The following APP variants were observed in gnomAD, a reference collection of about 807,000 sequenced individuals.
APP encodes amyloid beta precursor protein.
In APP, 31 loss-of-function variants were observed where a neutral mutation model predicts 101.4. The observed-to-expected ratio is 0.31, with a 90% CI of 0.23 to 0.41. The LOEUF is 0.41. Among genes scored for constraint, APP ranks in the 10% least tolerant of loss-of-function variants. The pLI is 1.00. For synonymous variants in APP, 366 were observed against 364.4 expected (o/e 1.00, Z -0.05); for missense variants, 839 against 1,003.7 (o/e 0.84, Z 2.22).
chr21:26,037,420 G>C (rs1371011221), intron 5 of APP, among the ~76,000 whole-genome samples: 2 of 152,124 alleles, frequency 1.3e-5, no homozygotes, highest in African/African-American at 4.8e-5. Context: ...TGAATATGCT[G>C]ATCAGTCTGA....
At chr21:26,164,884 T>C (rs1166200394) in intron 1 of APP, among the ~76,000 whole-genome samples, 2 of 150,658 alleles carry the variant, frequency 1.3e-5, no homozygotes, top group Admixed American at 6.6e-5. Flanking sequence ...TCTACATCCA[T>C]GTTATGTGGA....
chr21:26,050,314 T>C (rs1447003430), intron 5 of APP, among the ~76,000 whole-genome samples: 12 of 152,182 alleles, frequency 7.9e-5, no homozygotes, highest in Non-Finnish European at 1.5e-5. Flanking sequence ...ATAAAATCAA[T>C]GCCTGAACCA....
Position 25,881,445 on chromosome 21 carries a change from T to C in APP, c.*225A>G. 1 of 596,546 alleles carries C rather than the reference T, an allele frequency of 1.7e-6. No homozygotes were observed. The highest frequency in any genetic ancestry group is 1.9e-5 in the South Asian group (1 of 51,478). 37.0% of individuals were successfully genotyped at this position (596,546 alleles called of 1,614,324 possible). On this transcript the variant is annotated 3_prime_UTR_variant, in exon 18 of 18. Coordinates refer to ENST00000346798, the MANE Select transcript of APP (RefSeq NM_000484.4). ...TACAGTACACAAAACCCATTAATAA[T>C]GTAGTATAGAGACCAAAATGTAAAG...
At chr21:25,983,083 A>G (rs1038224847) in intron 8 of APP, among the ~76,000 whole-genome samples, 3 of 152,258 alleles carry the variant, frequency 2.0e-5, no homozygotes, top group Non-Finnish European at 4.4e-5. Context: ...AAATTTGACA[A>G]TAGTCAATGA....
rs149896581 is a variant in APP, at chr21:26,166,193, G to A, written c.57+4371C>T. Among the ~76,000 whole-genome samples, 949 of 152,278 alleles carry A rather than the reference G, an allele frequency of 6.2e-3. 9 individuals carry two copies. The highest frequency in any genetic ancestry group is 0.02 in the African/African-American group (817 of 41,556). On this transcript the variant is annotated intron_variant, in intron 1 of 17. Transcript: ENST00000346798. The stretch of plus-strand genomic sequence containing the variant: ...ACTTGCAAAATCAGCTTCAGGGTTT[G>A]AGTTCTGTCTGCTTTTCTTCTTATA...
chr21:26,065,084 C>A (rs1044116120), intron 3 of APP, among the ~76,000 whole-genome samples: 1 of 152,142 alleles, frequency 6.6e-6, no homozygotes, highest in East Asian at 1.9e-4. Flanking sequence ...GGACTTCCGA[C>A]CTCAAATGAT....
intron 13 of APP, among the ~76,000 whole-genome samples, chr21:25,946,458 G>T (rs1422053713): frequency 1.3e-5 from 2 of 152,186 alleles, no homozygotes; most frequent in Admixed American, 6.5e-5. Flanking sequence ...CTGAGCTCAG[G>T]AGTTTGAGAC....
chr21:26,125,580 G>A (rs183061647), intron 1 of APP, among the ~76,000 whole-genome samples: 14 of 152,130 alleles, frequency 9.2e-5, no homozygotes, highest in African/African-American at 2.9e-4. Flanking sequence ...CATTCGGTGC[G>A]GTGTTTAGGG....
intron 11 of APP, among the ~76,000 whole-genome samples, chr21:25,958,272 AATTATT>A (rs200295641): frequency 1.3e-5 from 2 of 151,532 alleles, no homozygotes; most frequent in African/African-American, 4.9e-5. Context: ...TATTCCCACT[AATTATT>A]ATTATTATTA....
At position 25,925,861 on chromosome 21, in the gene APP, G is replaced by A. The variant is rs57737198; in HGVS notation, c.1688-13899C>T. ...TGAGGCAGGAGAATTGCTTGAACCC[G>A]GGAGGTGGAGGCTGCAGTGAGCCGA... On this transcript the variant is annotated intron_variant, in intron 13 of 17. Transcript: ENST00000346798. 6.3e-3 allele frequency among the ~76,000 whole-genome samples: 965 copies of A among 152,324 alleles called. 11 individuals are homozygous for A. The highest frequency in any genetic ancestry group is 0.022 in the African/African-American group (909 of 41,566).
intron 16 of APP, among the ~76,000 whole-genome samples, chr21:25,892,339 T>C (rs1380042423): frequency 2.6e-5 from 4 of 152,212 alleles, no homozygotes; most frequent in African/African-American, 4.8e-5. Context: ...TGACTCTAAG[T>C]GACTGAGACT....
At chr21:25,982,610 C>T (rs996512918) in intron 8 of APP, 133 bp from the exon 9 acceptor site, 31 of 796,096 alleles carry the variant, frequency 3.9e-5, no homozygotes, top group East Asian at 8.1e-5. Flanking sequence ...GCATACAAGA[C>T]GTTAATGCTG....
At chr21:25,883,298 C>T (rs2037109835) in intron 17 of APP, among the ~76,000 whole-genome samples, 1 of 152,016 alleles carries the variant, frequency 6.6e-6, no homozygotes. Flanking sequence ...AGCTGCTCCA[C>T]AGGCGGAGGC....
chr21:25,911,282 A>T (rs1003097277), intron 14 of APP, among the ~76,000 whole-genome samples: 1 of 152,214 alleles, frequency 6.6e-6, no homozygotes, highest in African/African-American at 2.4e-5. Flanking sequence ...GAAGAATGTT[A>T]TTGCCACACA....
intron 2 of APP, among the ~76,000 whole-genome samples, chr21:26,094,312 A>G (rs2061894101): frequency 6.6e-6 from 1 of 152,148 alleles, no homozygotes. Context: ...GGGGGAGAAC[A>G]TTAGCAATCA....
chr21:25,885,539 A>G (rs1248659325), intron 17 of APP, among the ~76,000 whole-genome samples: 1 of 152,166 alleles, frequency 6.6e-6, no homozygotes, highest in Non-Finnish European at 1.5e-5. Flanking sequence ...ACCACTGAAT[A>G]TTCATTCTCT....
chr21:25,959,107 C>A (rs2146507742), intron 11 of APP, among the ~76,000 whole-genome samples: 1 of 152,254 alleles, frequency 6.6e-6, no homozygotes, highest in Middle Eastern at 3.4e-3. Context: ...CTAAAATAGA[C>A]CAAGTTTAAG....
chr21:25,959,326 G>A (rs1021163843), intron 11 of APP, among the ~76,000 whole-genome samples: 5 of 152,156 alleles, frequency 3.3e-5, no homozygotes, highest in East Asian at 3.9e-4. Flanking sequence ...CCAGCTACTC[G>A]GGAGGCTGAG....
intron 3 of APP, among the ~76,000 whole-genome samples, chr21:26,054,144 A>G (rs1293014173): frequency 1.3e-5 from 2 of 152,238 alleles, no homozygotes; most frequent in East Asian, 1.9e-4. Flanking sequence ...TAATGAATGA[A>G]CAAGTTAAAT....
Sources: allele counts gnomAD v4.1 joint callset (sites outside exome capture counted in the v4.1 genomes callset), GRCh38; gene constraint gnomAD v4.1.1; transcripts MANE v1.5; gene names NCBI Gene and HGNC (gene_info 2026-07-23, HGNC 2026-07-21).